RAD51B: variants seen among roughly 807,000 people sequenced by gnomAD.
RAD51B encodes the protein RAD51 paralog B.
A neutral mutation model predicts 42.2 loss-of-function variants in RAD51B; 38 were observed. The ratio of observed to expected loss-of-function variants is 0.90; its 90% CI spans 0.70 to 1.18. The LOEUF (loss-of-function observed/expected upper bound fraction) is 1.18, where lower values mean the gene tolerates loss of function less well. Ranked by LOEUF, RAD51B falls within the 50% of genes most tolerant of loss-of-function variation. The pLI is 0.00. For synonymous variants in RAD51B, 154 were observed against 145.2 expected (o/e 1.06, Z -0.43); for missense variants, 373 against 400.7 (o/e 0.93, Z 0.59).
At chr14:68,484,603 C>T (rs1416599330) in intron 10 of RAD51B, among the ~76,000 whole-genome samples, 1 of 152,014 alleles carries the variant, frequency 6.6e-6, no homozygotes, top group Non-Finnish European at 1.5e-5. Context: ...GTGATCCACC[C>T]GCCTCGGCCT....
intron 7 of RAD51B, among the ~76,000 whole-genome samples, chr14:68,267,565 T>C (rs185796142): frequency 6.6e-6 from 1 of 152,234 alleles, no homozygotes; most frequent in African/African-American, 2.4e-5. Flanking sequence ...GACCAGTACT[T>C]CTAGATATGG....
chr14:68,613,547 A>G (rs1891755731), downstream of RAD51B, among the ~76,000 whole-genome samples: 1 of 149,754 alleles, frequency 6.7e-6, no homozygotes, highest in Non-Finnish European at 1.5e-5. Flanking sequence ...TCTGCCTCCC[A>G]GGTTCATGCC....
intron 5 of RAD51B, among the ~76,000 whole-genome samples, chr14:67,874,524 T>C (rs1221667208): frequency 6.6e-6 from 1 of 152,158 alleles, no homozygotes; most frequent in Non-Finnish European, 1.5e-5. Context: ...GATATCAAAG[T>C]TGGACACCCT....
At chr14:68,092,744 G>C (rs1171281526) in intron 7 of RAD51B, among the ~76,000 whole-genome samples, 1 of 152,146 alleles carries the variant, frequency 6.6e-6, no homozygotes, top group Non-Finnish European at 1.5e-5. Flanking sequence ...ATGTTGAATA[G>C]GAGTGGTGAG....
At chr14:68,589,897 G>T (rs1384036257) in intron 10 of RAD51B, among the ~76,000 whole-genome samples, 1 of 152,124 alleles carries the variant, frequency 6.6e-6, no homozygotes, top group Non-Finnish European at 1.5e-5. Context: ...ATCAAGCTGG[G>T]TATGTCTGTG....
chr14:68,075,452 T>C (rs2140477144), intron 7 of RAD51B, among the ~76,000 whole-genome samples: 1 of 152,244 alleles, frequency 6.6e-6, no homozygotes, highest in South Asian at 2.1e-4. Flanking sequence ...ATGCCTATGC[T>C]GCAGAACCAA....
rs539867554 is a variant in RAD51B at position 68,528,112 on chromosome 14, C to T, written c.1036+59862C>T. 5.9e-5 allele frequency among the ~76,000 whole-genome samples: 9 copies of T among 152,282 alleles called. 1 individual carries two copies. In the South Asian group the frequency reaches 1.9e-3, roughly 32 times the overall value. On this transcript the variant is annotated intron_variant, in intron 10 of 10. Coordinates refer to the RAD51B transcript ENST00000487270. ...TGCTAAAGCCATGAGAAAAGGCTGGCACCAACCAGTAAAGAATTCCCTCCA... is the reference window on the plus strand; with the variant it reads ...TGCTAAAGCCATGAGAAAAGGCTGGTACCAACCAGTAAAGAATTCCCTCCA...
chr14:68,162,801 CAAAA>C (rs1479828146), intron 7 of RAD51B, among the ~76,000 whole-genome samples: 1 of 149,926 alleles, frequency 6.7e-6, no homozygotes, highest in Non-Finnish European at 1.5e-5. Context: ...CAAAACAAAA[CAAAA>C]CAAACAAACA....
intron 7 of RAD51B, chr14:68,149,563 A>G (rs973950525): frequency 2.6e-4 from 39 of 152,194 alleles, no homozygotes; most frequent in African/African-American, 9.2e-4. Context: ...ATTTTCACCA[A>G]TATCACATTG....
chr14:68,214,842 T>TA (rs35265093), intron 7 of RAD51B, among the ~76,000 whole-genome samples: 8 of 152,230 alleles, frequency 5.3e-5, no homozygotes, highest in African/African-American at 4.8e-5. Context: ...TGTGCTGTAG[T>TA]AAAAAATTCT....
intron 7 of RAD51B, among the ~76,000 whole-genome samples, chr14:68,119,075 A>G (rs1555359269): frequency 1.3e-5 from 2 of 151,688 alleles, no homozygotes; most frequent in Non-Finnish European, 2.9e-5. Flanking sequence ...CTCCCACCTC[A>G]GTCTCCCCAC....
At chr14:68,603,924 C>G in intron 10 of RAD51B, among the ~76,000 whole-genome samples, 1 of 152,366 alleles carries the variant, frequency 6.6e-6, no homozygotes, top group East Asian at 1.9e-4. Flanking sequence ...TTCTTCAGCC[C>G]CTGCCTGCTG....
At chr14:68,146,867 G>T (rs950246129) in intron 7 of RAD51B, among the ~76,000 whole-genome samples, 4 of 152,100 alleles carry the variant, frequency 2.6e-5, no homozygotes, top group African/African-American at 9.7e-5. Context: ...CAATGTCTTA[G>T]ATTAGATTAA....
chr14:68,467,091 G>A lies in RAD51B; in HGVS notation c.958-1081G>A, dbSNP rs774921891. ...TCAAACTGTCTTTGTTTCTGATAAT[G>A]TTTTAATGTGTAAAACAGGAAACTG... On this transcript the variant is annotated intron_variant, in intron 9 of 10. Coordinates refer to ENST00000471583, the MANE Select transcript of RAD51B (RefSeq NM_133510.4). Among the ~76,000 whole-genome samples the A allele has an allele frequency of 9.3e-4, 142 of 152,266 alleles. 1 individual carries two copies. Among genetic ancestry groups the A allele is most frequent in the Admixed American group, 1.6e-3 (24 of 15,290 alleles).
In RAD51B at chr14:67,970,734, T is replaced by C. The variant is rs118148829; in HGVS notation, c.756+83530T>C. ...AAACATGTAACAGATTCTTACCCTC[T>C]TTGAAAAATCACTGTTGTTCTTTTT... On this transcript the variant is annotated intron_variant, in intron 7 of 10. Transcript: ENST00000471583. 9.1e-3 allele frequency among the ~76,000 whole-genome samples: 1,385 copies of C among 152,210 alleles called. 16 individuals carry two copies. The highest frequency in any genetic ancestry group is 0.031 in the Middle Eastern group (9 of 294).
At chr14:67,846,027 C>T (rs952890326) in intron 4 of RAD51B, among the ~76,000 whole-genome samples, 10 of 152,158 alleles carry the variant, frequency 6.6e-5, no homozygotes, top group Non-Finnish European at 1.0e-4. Context: ...CCCAGGTGTT[C>T]TTGGATCTCT....
chr14:67,854,685 A>C (rs2041929506), intron 4 of RAD51B, among the ~76,000 whole-genome samples: 1 of 151,094 alleles, frequency 6.6e-6, no homozygotes, highest in Admixed American at 6.6e-5. Flanking sequence ...ATTTTCAGCT[A>C]GGTGTGGTGG....
rs1033182840 is a variant in RAD51B, at chr14:68,291,652, A to T, written c.757-232A>T. ...ATTGATAGAGGTTTTACTCTGAAAAAAGTCAGTCTATTTCCTCAGTTTTCT... is the reference window on the plus strand; with the variant it reads ...ATTGATAGAGGTTTTACTCTGAAAATAGTCAGTCTATTTCCTCAGTTTTCT... On this transcript the variant is annotated intron_variant, in intron 7 of 10. Coordinates refer to ENST00000471583, the MANE Select transcript of RAD51B (RefSeq NM_133510.4). Among the ~76,000 whole-genome samples, 13 of 152,292 alleles carry T rather than the reference A, an allele frequency of 8.5e-5. No individual in the cohort carries two copies. The East Asian group carries it at 2.3e-3, about 27-fold the overall frequency.
intron 8 of RAD51B, among the ~76,000 whole-genome samples, chr14:68,361,617 G>T (rs2083025887): frequency 6.6e-6 from 1 of 152,022 alleles, no homozygotes; most frequent in Non-Finnish European, 1.5e-5. Flanking sequence ...AGAGTCTCCT[G>T]GTGCTTGTTT....
Sources: allele counts gnomAD v4.1 joint callset (sites outside exome capture counted in the v4.1 genomes callset), GRCh38; gene constraint gnomAD v4.1.1; transcripts MANE v1.5; gene names NCBI Gene and HGNC (gene_info 2026-07-23, HGNC 2026-07-21).